IFT80: variants seen among roughly 807,000 people sequenced by gnomAD.
IFT80 encodes intraflagellar transport protein 80 homolog.
A neutral mutation model predicts 107.9 loss-of-function variants in IFT80; 79 were observed. The ratio of observed to expected loss-of-function variants is 0.73; its 90% CI spans 0.61 to 0.88. The LOEUF (loss-of-function observed/expected upper bound fraction) is 0.88, where lower values mean the gene tolerates loss of function less well. IFT80 is among the 40% of genes least tolerant of loss of function. IFT80 has a pLI of 0.00. For synonymous variants in IFT80, 299 were observed against 300.9 expected (o/e 0.99, Z 0.07); for missense variants, 797 against 914.2 (o/e 0.87, Z 1.65).
At chr3:160,351,925 C>A (rs1430397035) in intron 8 of IFT80, among the ~76,000 whole-genome samples, 1 of 151,754 alleles carries the variant, frequency 6.6e-6, no homozygotes, top group Non-Finnish European at 1.5e-5. Flanking sequence ...AAGAATCAGT[C>A]TAGAACATTA....
At chr3:160,386,088 A>C (rs1367711742) in intron 1 of IFT80, among the ~76,000 whole-genome samples, 4 of 152,220 alleles carry the variant, frequency 2.6e-5, no homozygotes, top group African/African-American at 9.6e-5. Context: ...ATCCTCTATA[A>C]ATAGTAGAAG....
intron 1 of IFT80, among the ~76,000 whole-genome samples, chr3:160,392,268 T>G (rs1713441206): frequency 6.6e-6 from 1 of 152,250 alleles, no homozygotes. Flanking sequence ...CTTCTGTATC[T>G]GCACTCACTG....
intron 18 of IFT80, among the ~76,000 whole-genome samples, chr3:160,269,616 T>C (rs937381411): frequency 6.6e-6 from 1 of 152,102 alleles, no homozygotes; most frequent in Non-Finnish European, 1.5e-5. Context: ...CTGATGATAA[T>C]TTGTAGGAGA....
intron 1 of IFT80, among the ~76,000 whole-genome samples, chr3:160,397,607 C>A (rs1713882676): frequency 6.6e-6 from 1 of 151,732 alleles, no homozygotes; most frequent in African/African-American, 2.4e-5. Context: ...AGGAAACTGT[C>A]AAGCATATAC....
intron 1 of IFT80, among the ~76,000 whole-genome samples, chr3:160,397,910 G>A (rs910667560): frequency 2.0e-4 from 30 of 151,800 alleles, no homozygotes; most frequent in African/African-American, 6.8e-4. Context: ...TAGTAGAGAC[G>A]GGGTTTGTCC....
At chr3:160,288,121 G>A (rs1357932336) in intron 12 of IFT80, among the ~76,000 whole-genome samples, 5 of 152,162 alleles carry the variant, frequency 3.3e-5, no homozygotes, top group Non-Finnish European at 7.4e-5. Flanking sequence ...GAGGTGGGTG[G>A]ATCACAAGGT....
chr3:160,311,228 C>A (rs1365807818), intron 9 of IFT80, among the ~76,000 whole-genome samples: 3 of 152,154 alleles, frequency 2.0e-5, no homozygotes, highest in Admixed American at 1.3e-4. Flanking sequence ...AACAGAATAA[C>A]CTGTTCCTTT....
chr3:160,324,398 G>A (rs1357202638), intron 8 of IFT80, among the ~76,000 whole-genome samples: 3 of 151,932 alleles, frequency 2.0e-5, no homozygotes, highest in South Asian at 4.2e-4. Flanking sequence ...CTGGCAAAAC[G>A]AATCCAGCAG....
intron 1 of IFT80, chr3:160,391,627 C>T (rs1449744642): frequency 6.6e-6 from 1 of 152,134 alleles, no homozygotes; most frequent in East Asian, 1.9e-4. Flanking sequence ...ACCGAGATCA[C>T]ACCACTGCAC....
At chr3:160,264,235 GAGT>G (rs1415813816) in intron 19 of IFT80, among the ~76,000 whole-genome samples, 1 of 150,998 alleles carries the variant, frequency 6.6e-6, no homozygotes, top group Non-Finnish European at 1.5e-5. Flanking sequence ...TAAGCTTCCA[GAGT>G]AGCTGGAACT....
At chr3:160,277,712 G>T in intron 16 of IFT80, 42 bp from the exon 17 acceptor site, 2 of 1,302,118 alleles carry the variant, frequency 1.5e-6, no homozygotes, top group South Asian at 1.2e-5. Context: ...CTATGTGACT[G>T]AACTGCCTTA....
At chr3:160,346,497 A>G (rs1720305202) in intron 8 of IFT80, among the ~76,000 whole-genome samples, 1 of 152,152 alleles carries the variant, frequency 6.6e-6, no homozygotes, top group African/African-American at 2.4e-5. Flanking sequence ...ATGGGCCGTA[A>G]TTTCCTGTTT....
chr3:160,263,816 A>G (rs1713061309), intron 19 of IFT80, among the ~76,000 whole-genome samples: 1 of 151,966 alleles, frequency 6.6e-6, no homozygotes, highest in African/African-American at 2.4e-5. Context: ...AGCTGGGACT[A>G]CAGGTGCATG....
chr3:160,314,474 A>T (rs997159512), intron 9 of IFT80, among the ~76,000 whole-genome samples: 1 of 152,180 alleles, frequency 6.6e-6, no homozygotes, highest in Non-Finnish European at 1.5e-5. Flanking sequence ...GTCCCACAAA[A>T]GCTGAGGTTC....
At chr3:160,381,239 AATATATATAT>A (rs56915671) in intron 3 of IFT80, among the ~76,000 whole-genome samples, 17 of 86,270 alleles carry the variant, frequency 2.0e-4, no homozygotes, top group East Asian at 7.5e-4. Flanking sequence ...CCCATCTCTA[AATATATATAT>A]ATATATATAT....
Position 160,304,435 on chromosome 3 carries a change from C to CTTT in IFT80, c.1077-449_1077-447dup, listed in dbSNP as rs869204306. Among the ~76,000 whole-genome samples the CTTT allele has an allele frequency of 1.6e-4, 21 of 129,178 alleles. 1 individual carries two copies. Among genetic ancestry groups the CTTT allele is most frequent in the Non-Finnish European group, 2.5e-4 (15 of 60,678 alleles). 84.7% of individuals were successfully genotyped at this position (129,178 alleles called of 152,430 possible). On this transcript the variant is annotated intron_variant, in intron 10 of 19. Coordinates refer to ENST00000326448, the MANE Select transcript of IFT80 (RefSeq NM_020800.3). ...CCACCTGTCAGCCACTTGATTTTTT[C>CTTT]TTTTTTTTTTTTTTTTTTGAGATGG...
chr3:160,260,879 A>G (rs1712768779), intron 19 of IFT80, among the ~76,000 whole-genome samples: 1 of 152,188 alleles, frequency 6.6e-6, no homozygotes, highest in South Asian at 2.1e-4. Context: ...GCTGAAGATC[A>G]GCTTCCTACT....
chr3:160,367,226 T>C (rs942637179), intron 5 of IFT80, among the ~76,000 whole-genome samples: 17 of 152,018 alleles, frequency 1.1e-4, no homozygotes, highest in African/African-American at 4.1e-4. Flanking sequence ...GTGAACAGAG[T>C]TGCAACAAAC....
chr3:160,260,257 T>C (rs1311621118), intron 19 of IFT80, among the ~76,000 whole-genome samples: 5 of 152,174 alleles, frequency 3.3e-5, no homozygotes, highest in East Asian at 1.9e-4. Context: ...GACAGCTCAT[T>C]GAAAAGCCAA....
Sources: gnomAD v4.1 joint callset for allele counts (sites outside exome capture counted in the v4.1 genomes callset) on GRCh38, gnomAD v4.1.1 for gene constraint, MANE v1.5 for transcripts, NCBI Gene and HGNC (gene_info 2026-07-23, HGNC 2026-07-21) for gene names.